HIVEP3: variants seen among roughly 807,000 people sequenced by gnomAD.
The protein encoded by HIVEP3 is HIVEP zinc finger 3, also known as transcription factor HIVEP3.
Under a neutral mutation model 152.8 loss-of-function variants are expected in HIVEP3, and 49 were observed. The ratio of observed to expected loss-of-function variants is 0.32; its 90% CI spans 0.26 to 0.41. The LOEUF (loss-of-function observed/expected upper bound fraction) is 0.41, where lower values mean the gene tolerates loss of function less well. Among genes scored for constraint, HIVEP3 ranks in the 10% least tolerant of loss-of-function variants. The pLI, the probability that HIVEP3 is intolerant of heterozygous loss-of-function variation, is 1.00. For missense variants in HIVEP3, 2,790 were observed against 3,103.3 expected (o/e 0.90, Z 2.40); for synonymous variants, 1,269 against 1,289.0 (o/e 0.98, Z 0.33).
intron 5 of HIVEP3, among the ~76,000 whole-genome samples, chr1:41,554,942 C>G (rs999831159): frequency 6.6e-6 from 1 of 152,184 alleles, no homozygotes; most frequent in Non-Finnish European, 1.5e-5. Context: ...TTAGGCTACA[C>G]GGGGGTCAAG....
At chr1:41,786,746 T>TTTTC (rs1211876998) in intron 1 of HIVEP3, among the ~76,000 whole-genome samples, 1 of 146,474 alleles carries the variant, frequency 6.8e-6, no homozygotes, top group Non-Finnish European at 1.5e-5. Context: ...ACACATGTAA[T>TTTTC]TTTCTTTCTT....
chr1:41,824,782 T>TAGAGAG (rs1177279412), intron 1 of HIVEP3, among the ~76,000 whole-genome samples: 10 of 14,304 alleles, frequency 7.0e-4, no homozygotes, highest in Admixed American at 1.7e-3. Flanking sequence ...TATATATATA[T>TAGAGAG]ATAGAGAGAG....
At chr1:41,606,563 T>C (rs760576534) in intron 3 of HIVEP3, among the ~76,000 whole-genome samples, 29 of 151,952 alleles carry the variant, frequency 1.9e-4, no homozygotes, top group Admixed American at 1.3e-4. Flanking sequence ...TGAAACTTGG[T>C]CACAAGAAGA....
intron 1 of HIVEP3, among the ~76,000 whole-genome samples, chr1:41,909,927 C>T (rs1644770353): frequency 6.6e-6 from 1 of 151,878 alleles, no homozygotes; most frequent in Non-Finnish European, 1.5e-5. Flanking sequence ...ACAAATATTA[C>T]ATATCAAAAT....
At position 41,827,730 on chromosome 1, in the gene HIVEP3, C is replaced by G. The variant is rs570268922; in HGVS notation, c.-801+90683G>C. ...TTAAATTATTCCAGTAGAACCACAT[C>G]ATAGTGAAGAACATGAAGAAGATTT... On this transcript the variant is annotated intron_variant, in intron 1 of 8. Coordinates refer to ENST00000372583, the MANE Select transcript of HIVEP3 (RefSeq NM_024503.5). Among the ~76,000 whole-genome samples, 3 of 152,270 alleles carry G rather than the reference C, an allele frequency of 2.0e-5. No individual in the cohort carries two copies. The East Asian group carries it at 5.8e-4, about 29-fold the overall frequency.
At chr1:41,834,596 A>G (rs948866932) in intron 1 of HIVEP3, among the ~76,000 whole-genome samples, 8 of 152,194 alleles carry the variant, frequency 5.3e-5, no homozygotes, top group Non-Finnish European at 1.2e-4. Context: ...AGCAGTGATT[A>G]GAATTCCAAT....
intron 1 of HIVEP3, among the ~76,000 whole-genome samples, chr1:41,766,108 G>A (rs1302736422): frequency 6.6e-6 from 1 of 152,260 alleles, no homozygotes; most frequent in Non-Finnish European, 1.5e-5. Flanking sequence ...CTGGGCCTGA[G>A]CCATGGTATG....
At chr1:41,976,839 A>G (rs1280456660) in intron 1 of HIVEP3, among the ~76,000 whole-genome samples, 1 of 152,154 alleles carries the variant, frequency 6.6e-6, no homozygotes, top group Non-Finnish European at 1.5e-5. Context: ...AAGCCGAGGA[A>G]TCCGCAGAAG....
At chr1:41,594,513 C>G (rs1027249031) in intron 3 of HIVEP3, among the ~76,000 whole-genome samples, 8 of 152,160 alleles carry the variant, frequency 5.3e-5, no homozygotes, top group Non-Finnish European at 1.2e-4. Context: ...TGAGCCACCC[C>G]GCCTGGCCGA....
intron 1 of HIVEP3, among the ~76,000 whole-genome samples, chr1:41,979,009 G>A (rs757582875): frequency 2.0e-5 from 3 of 152,110 alleles, no homozygotes; most frequent in Admixed American, 1.3e-4. Flanking sequence ...TCTCTTCCCT[G>A]TGCCAGGGAC....
rs1644428175 is a variant in HIVEP3 at position 41,890,432 on chromosome 1, G to T, written c.-801+27981C>A. 1.3e-5 allele frequency among the ~76,000 whole-genome samples: 2 copies of T among 152,224 alleles called. 1 individual carries two copies. Among genetic ancestry groups the T allele is most frequent in the South Asian group, 4.1e-4 (2 of 4,830 alleles). On this transcript the variant is annotated intron_variant, in intron 1 of 8. Transcript: ENST00000372583. ...CCAAGTGACAACTGGGTTGAGTTCT[G>T]AAGAGCCACAGTACAGGCACTGTGA... is the stretch of plus-strand genomic sequence containing the variant.
intron 1 of HIVEP3, among the ~76,000 whole-genome samples, chr1:41,846,171 C>T (rs1046040704): frequency 7.9e-5 from 12 of 152,206 alleles, no homozygotes; most frequent in African/African-American, 2.7e-4. Context: ...TTCAGGGTGA[C>T]GGTCACTAGA....
chr1:41,706,616 C>G (rs1208902912), intron 1 of HIVEP3, among the ~76,000 whole-genome samples: 1 of 152,180 alleles, frequency 6.6e-6, no homozygotes, highest in African/African-American at 2.4e-5. Flanking sequence ...AGATAACTAG[C>G]TGAATATGCT....
intron 5 of HIVEP3, among the ~76,000 whole-genome samples, chr1:41,528,495 TCA>T (rs1376296568): frequency 3.7e-4 from 7 of 18,670 alleles, no homozygotes; most frequent in East Asian, 1.6e-3. Flanking sequence ...ACCCCCACCC[TCA>T]CTCACCTTCA....
intron 1 of HIVEP3, among the ~76,000 whole-genome samples, chr1:41,726,740 T>C (rs1288086659): frequency 1.3e-5 from 2 of 152,044 alleles, no homozygotes; most frequent in Non-Finnish European, 2.9e-5. Context: ...AGGTCAAAGA[T>C]AGAGGACAGG....
chr1:41,879,069 G>A (rs1644220636), intron 1 of HIVEP3, among the ~76,000 whole-genome samples: 1 of 151,956 alleles, frequency 6.6e-6, no homozygotes, highest in Admixed American at 6.6e-5. Flanking sequence ...AAGCACTTCT[G>A]GGCCCCTACT....
At chr1:41,514,748 T>C (rs1046146736) in intron 7 of HIVEP3, among the ~76,000 whole-genome samples, 4 of 152,254 alleles carry the variant, frequency 2.6e-5, no homozygotes, top group Non-Finnish European at 4.4e-5. Flanking sequence ...TTGGAAGCAA[T>C]TGTTCACAAG....
chr1:41,770,676 A>G (rs917413509), intron 1 of HIVEP3, among the ~76,000 whole-genome samples: 1 of 152,202 alleles, frequency 6.6e-6, no homozygotes, highest in South Asian at 2.1e-4. Context: ...AGGAATGAAC[A>G]TTCTATAGTA....
chr1:41,846,002 T>C (rs1207844582), intron 1 of HIVEP3, among the ~76,000 whole-genome samples: 2 of 152,148 alleles, frequency 1.3e-5, no homozygotes, highest in African/African-American at 4.8e-5. Context: ...GGGAGACAGT[T>C]GCAGTGAGCC....
Sources: allele counts gnomAD v4.1 joint callset (sites outside exome capture counted in the v4.1 genomes callset), GRCh38; gene constraint gnomAD v4.1.1; transcripts MANE v1.5; gene names NCBI Gene and HGNC (gene_info 2026-07-23, HGNC 2026-07-21).